NRXN3: variants seen among roughly 807,000 people sequenced by gnomAD.
The protein encoded by NRXN3 is neurexin III.
NRXN3 carries 32 observed loss-of-function variants against 137.6 expected under a neutral mutation model. The ratio of observed to expected loss-of-function variants is 0.23; its 90% CI spans 0.18 to 0.31. The LOEUF is 0.31. Among genes scored for constraint, NRXN3 ranks in the 10% least tolerant of loss-of-function variants. The pLI, the probability that NRXN3 is intolerant of heterozygous loss-of-function variation, is 1.00. For synonymous variants in NRXN3, 798 were observed against 784.5 expected (o/e 1.02, Z -0.29); for missense variants, 1,574 against 2,062.5 (o/e 0.76, Z 4.59).
chr14:78,398,700 G>A (rs1487375416), intron 4 of NRXN3, among the ~76,000 whole-genome samples: 2 of 152,178 alleles, frequency 1.3e-5, no homozygotes, highest in Non-Finnish European at 2.9e-5. Context: ...AAAAGTCCTG[G>A]CTCTCTACTA....
At chr14:79,740,712 T>TTATATATATATATA (rs869216055) in intron 19 of NRXN3, among the ~76,000 whole-genome samples, 3 of 16,124 alleles carry the variant, frequency 1.9e-4, no homozygotes, top group Non-Finnish European at 2.1e-4. Context: ...ATTTAGTTTT[T>TTATATATATATATA]TATATATATA....
intron 4 of NRXN3, among the ~76,000 whole-genome samples, chr14:78,309,275 T>A (rs911868615): frequency 6.6e-6 from 1 of 151,592 alleles, no homozygotes; most frequent in African/African-American, 2.4e-5. Flanking sequence ...AAAAAAATTT[T>A]GAGAAACGCT....
At chr14:79,082,555 A>T (rs1014971388) in intron 15 of NRXN3, among the ~76,000 whole-genome samples, 3 of 152,164 alleles carry the variant, frequency 2.0e-5, no homozygotes, top group Non-Finnish European at 4.4e-5. Context: ...TAGAACTAAA[A>T]GAGATGTTAC....
chr14:78,724,953 T>C (rs913257671), intron 8 of NRXN3, among the ~76,000 whole-genome samples: 2 of 152,214 alleles, frequency 1.3e-5, no homozygotes, highest in Non-Finnish European at 2.9e-5. Flanking sequence ...TTCTGTGGGC[T>C]ACTGGACAGC....
intron 4 of NRXN3, among the ~76,000 whole-genome samples, chr14:78,404,841 C>A (rs1162234068): frequency 6.6e-6 from 1 of 152,062 alleles, no homozygotes; most frequent in Non-Finnish European, 1.5e-5. Flanking sequence ...GAAATGAGTT[C>A]TGTTAAATAG....
At chr14:79,111,597 G>T (rs1354603351) in intron 15 of NRXN3, among the ~76,000 whole-genome samples, 6 of 152,110 alleles carry the variant, frequency 3.9e-5, no homozygotes, top group South Asian at 2.1e-4. Flanking sequence ...AAATTAGCCA[G>T]GCGTGGTGAT....
At chr14:79,047,011 G>C (rs1220135406) in intron 15 of NRXN3, among the ~76,000 whole-genome samples, 1 of 151,922 alleles carries the variant, frequency 6.6e-6, no homozygotes, top group Non-Finnish European at 1.5e-5. Flanking sequence ...GGATTTTGAG[G>C]CTTAAATGAG....
chr14:79,811,786 G>T (rs1428173169), intron 20 of NRXN3, among the ~76,000 whole-genome samples: 2 of 151,558 alleles, frequency 1.3e-5, no homozygotes, highest in Non-Finnish European at 2.9e-5. Context: ...TTTTCACCAT[G>T]TTAGCCAGGA....
chr14:79,150,084 G>A (rs1408803428), intron 15 of NRXN3, among the ~76,000 whole-genome samples: 8 of 151,978 alleles, frequency 5.3e-5, no homozygotes, highest in African/African-American at 1.9e-4. Flanking sequence ...AGGCAAGCAT[G>A]TCTAACATGT....
At chr14:79,442,821 G>C (rs2095988529) in intron 15 of NRXN3, among the ~76,000 whole-genome samples, 1 of 151,984 alleles carries the variant, frequency 6.6e-6, no homozygotes, top group Non-Finnish European at 1.5e-5. Flanking sequence ...TTATCTTTTG[G>C]TAGAACCTTG....
chr14:78,868,716 G>T (rs900651170), intron 10 of NRXN3, among the ~76,000 whole-genome samples: 1 of 151,830 alleles, frequency 6.6e-6, no homozygotes, highest in African/African-American at 2.4e-5. Context: ...AGCTACTCAG[G>T]AGCCTAAGGC....
chr14:78,551,978 C>T (rs1020576085), intron 4 of NRXN3, among the ~76,000 whole-genome samples: 1 of 152,088 alleles, frequency 6.6e-6, no homozygotes, highest in Non-Finnish European at 1.5e-5. Context: ...GCTTGTTGGT[C>T]GCGATACCCT....
At chr14:78,843,593 G>T (rs1429054774) in intron 10 of NRXN3, among the ~76,000 whole-genome samples, 1 of 152,070 alleles carries the variant, frequency 6.6e-6, no homozygotes. Context: ...GGCAGAATTT[G>T]CTTCTTCAGT....
intron 4 of NRXN3, among the ~76,000 whole-genome samples, chr14:78,554,918 A>G (rs2096724525): frequency 6.6e-6 from 1 of 152,074 alleles, no homozygotes; most frequent in Non-Finnish European, 1.5e-5. Context: ...CAAGCCACCC[A>G]TTTGCCCTTC....
intron 20 of NRXN3, among the ~76,000 whole-genome samples, chr14:79,835,071 C>T (rs936091447): frequency 6.6e-6 from 1 of 152,086 alleles, no homozygotes; most frequent in Non-Finnish European, 1.5e-5. Context: ...GTCCATTTCA[C>T]TTAGCATAAT....
chr14:78,937,277 A>G (rs2099344043), intron 10 of NRXN3, among the ~76,000 whole-genome samples: 1 of 152,152 alleles, frequency 6.6e-6, no homozygotes, highest in South Asian at 2.1e-4. Context: ...TCAGTCTACA[A>G]GTATTTTGGT....
At chr14:78,583,357 T>G (rs1326370899) in intron 4 of NRXN3, among the ~76,000 whole-genome samples, 4 of 151,912 alleles carry the variant, frequency 2.6e-5, no homozygotes, top group Non-Finnish European at 1.5e-5. Context: ...TTTATATTTC[T>G]GTAACTTTAA....
chr14:79,428,483 A>C (rs1233199519), intron 15 of NRXN3, among the ~76,000 whole-genome samples: 2 of 152,168 alleles, frequency 1.3e-5, no homozygotes, highest in Non-Finnish European at 2.9e-5. Flanking sequence ...CTCGGTTTAA[A>C]GATAAGACAT....
At chr14:78,752,441 A>G (rs1595515207) in intron 8 of NRXN3, among the ~76,000 whole-genome samples, 1 of 152,334 alleles carries the variant, frequency 6.6e-6, no homozygotes, top group Non-Finnish European at 1.5e-5. Flanking sequence ...AAAGAGTAAA[A>G]GGAGAATAAT....
Sources: gnomAD v4.1 joint callset for allele counts (sites outside exome capture counted in the v4.1 genomes callset) on GRCh38, gnomAD v4.1.1 for gene constraint, MANE v1.5 for transcripts, NCBI Gene and HGNC (gene_info 2026-07-23, HGNC 2026-07-21) for gene names.